Variants in BLM observed in about 807,000 individuals in gnomAD.
BLM encodes the protein recQ-like DNA helicase BLM.
In BLM, 95 loss-of-function variants were observed where a neutral mutation model predicts 135.3. The ratio of observed to expected loss-of-function variants is 0.70; its 90% CI spans 0.59 to 0.83. BLM has a LOEUF of 0.83. Ranked by LOEUF, BLM falls within the 40% of genes least tolerant of loss-of-function variation. BLM has a pLI of 0.00. For synonymous variants in BLM, 520 were observed against 589.2 expected (o/e 0.88, Z 1.70); for missense variants, 1,518 against 1,663.9 (o/e 0.91, Z 1.53).
chr15:90,736,894 G>T (rs559751402), intron 1 of BLM, among the ~76,000 whole-genome samples: 2 of 152,176 alleles, frequency 1.3e-5, no homozygotes, highest in Non-Finnish European at 2.9e-5. Context: ...ATAACCCACA[G>T]GAAGTAGATG....
chr15:90,777,636 A>G (rs1407059823), intron 12 of BLM, among the ~76,000 whole-genome samples: 1 of 152,236 alleles, frequency 6.6e-6, no homozygotes, highest in Non-Finnish European at 1.5e-5. Context: ...GCAGAACCTT[A>G]GACAAGAAAC....
intron 12 of BLM, among the ~76,000 whole-genome samples, chr15:90,779,507 T>A (rs183671018): frequency 6.6e-6 from 1 of 152,312 alleles, no homozygotes; most frequent in African/African-American, 2.4e-5. Flanking sequence ...TCTTCATCAT[T>A]TGTATTCCTA....
chr15:90,808,876 C>A (rs1358264572), intron 19 of BLM: 2 of 536,388 alleles, frequency 3.7e-6, no homozygotes, highest in Admixed American at 6.3e-5. Flanking sequence ...AGGTCCCACC[C>A]TCAGCTTCCT....
At chr15:90,788,889 C>T (rs1006065239) in intron 14 of BLM, among the ~76,000 whole-genome samples, 5 of 150,998 alleles carry the variant, frequency 3.3e-5, no homozygotes, top group Admixed American at 1.3e-4. Flanking sequence ...AGGAGAATAG[C>T]TTGAACCCTG....
chr15:90,773,095 CA>C (rs780966709), intron 12 of BLM, among the ~76,000 whole-genome samples: 166 of 43,468 alleles, frequency 3.8e-3, no homozygotes, highest in South Asian at 0.022. Context: ...GAGACTGTCT[CA>C]AAAAAAAAAA....
intron 19 of BLM, among the ~76,000 whole-genome samples, chr15:90,804,940 G>A (rs1331687960): frequency 6.6e-6 from 1 of 152,092 alleles, no homozygotes; most frequent in Non-Finnish European, 1.5e-5. Flanking sequence ...AGGTTCAAGC[G>A]ATTCTTCTGC....
At chr15:90,756,419 C>G (rs1172273428) in intron 5 of BLM, among the ~76,000 whole-genome samples, 1 of 152,196 alleles carries the variant, frequency 6.6e-6, no homozygotes, top group Admixed American at 6.5e-5. Context: ...AAGGTAGTTT[C>G]TGTTATCCCC....
At chr15:90,789,994 T>G (rs1013583691) in intron 14 of BLM, among the ~76,000 whole-genome samples, 24 of 56,096 alleles carry the variant, frequency 4.3e-4, no homozygotes, top group Non-Finnish European at 5.4e-4. Flanking sequence ...GGTGTTTTTT[T>G]TTTTTTTTTT....
rs753973474 is a variant in BLM, at chr15:90,765,313, T to TGTTA, written c.2093_2096dup (p.Tyr699Ter). The TGTTA allele has an allele frequency of 1.9e-6, 3 of 1,612,012 alleles. No homozygotes were observed. The highest frequency in any genetic ancestry group is 2.5e-6 in the Non-Finnish European group (3 of 1,178,064). On this transcript the variant is annotated stop_gained and frameshift_variant, in exon 9 of 22. Transcript: ENST00000355112. LOFTEE classifies it high-confidence loss of function. ...TCTTTCAGGAGGTGGTAAGAGTTTG[T>TGTTA]GTTACCAGCTCCCTGCCTGTGTTTC...
chr15:90,737,904 T>G (rs2151137933), intron 1 of BLM, among the ~76,000 whole-genome samples: 1 of 151,664 alleles, frequency 6.6e-6, no homozygotes, highest in African/African-American at 2.4e-5. Flanking sequence ...ATAAAAAAAT[T>G]GATAAAACTT....
intron 19 of BLM, among the ~76,000 whole-genome samples, chr15:90,807,817 T>C (rs1376396064): frequency 6.6e-6 from 1 of 152,238 alleles, no homozygotes; most frequent in East Asian, 1.9e-4. Flanking sequence ...AGACATGTCA[T>C]GGCAGTTAGA....
chr15:90,750,681 G>A (rs1267924404), intron 3 of BLM, among the ~76,000 whole-genome samples: 1 of 152,042 alleles, frequency 6.6e-6, no homozygotes, highest in African/African-American at 2.4e-5. Flanking sequence ...ACAAAGGAAG[G>A]GTGAGTAGAG....
At chr15:90,802,023 C>A (rs1897177250) in intron 17 of BLM, among the ~76,000 whole-genome samples, 1 of 152,090 alleles carries the variant, frequency 6.6e-6, no homozygotes, top group Non-Finnish European at 1.5e-5. Context: ...GCCACTGCAC[C>A]CCCAGCCTGG....
rs1895774818 is a variant in BLM, at chr15:90,754,836, G to A, written c.985G>A (p.Asp329Asn). The stretch of plus-strand genomic sequence containing the variant: ...TACGTTAAAGGACCTTGACACCTCT[G>A]ACAGAAAAGAGGATGTTCTTAGCAC... ...LSTLKDLDTS[D>N]RKEDVLSTSK... Residue 329 changes from aspartate to asparagine, a missense_variant, in exon 5 of 22, where the codon GAC becomes AAC. This residue lies in a region of BLM where 724 missense variants were observed against 756.9 expected (regional missense o/e 0.96). Transcript: ENST00000355112. 6.2e-7 allele frequency: 1 copy of A among 1,613,812 alleles called. No individual in the cohort carries two copies. Among genetic ancestry groups the A allele is most frequent in the Non-Finnish European group, 8.5e-7 (1 of 1,179,892 alleles).
At chr15:90,777,970 C>G (rs7164724) in intron 12 of BLM, among the ~76,000 whole-genome samples, 26,372 of 152,076 alleles carry the variant, frequency 0.17, 2,356 homozygotes, top group African/African-American at 0.19. Context: ...TGCAGTGTAT[C>G]AGTATTTTGC....
chr15:90,787,036 C>CT lies in BLM; in HGVS notation c.2823+1985dup, dbSNP rs11366266. On this transcript the variant is annotated intron_variant, in intron 14 of 21. Transcript: ENST00000355112. ...AAAGCTGAAAATACTTTAGGCATCT[C>CT]TTTTTTTTTTTTTTTTTTTTTTTTT... 8.5e-3 allele frequency among the ~76,000 whole-genome samples: 492 copies of CT among 57,998 alleles called. 90 individuals are homozygous for CT. Among genetic ancestry groups the CT allele is most frequent in the Middle Eastern group, 0.016 (1 of 62 alleles). The allele number at this position is 57,998 out of a possible 152,430, so 38.0% of individuals were successfully genotyped here. A position where few individuals can be genotyped will look rare whatever the true frequency, so the allele number is the denominator to read the frequency against.
chr15:90,769,278 C>T (rs758071122), intron 11 of BLM, 47 bp downstream of exon 11: 1 of 1,535,724 alleles, frequency 6.5e-7, no homozygotes, highest in Non-Finnish European at 9.0e-7. Context: ...ATACATACTA[C>T]CAACAATATA....
intron 1 of BLM, among the ~76,000 whole-genome samples, chr15:90,743,372 T>G (rs1895419301): frequency 6.6e-6 from 1 of 152,244 alleles, no homozygotes; most frequent in Non-Finnish European, 1.5e-5. Flanking sequence ...TTGTGATTCT[T>G]GTGGTCATTC....
chr15:90,790,947 T>C, intron 15 of BLM, 103 bp downstream of exon 15: 1 of 1,228,066 alleles, frequency 8.1e-7, no homozygotes, highest in Non-Finnish European at 1.2e-6. Context: ...CCTTAAATAA[T>C]CGTAGAAAAA....
Sources: allele counts gnomAD v4.1 joint callset (sites outside exome capture counted in the v4.1 genomes callset), GRCh38; gene constraint gnomAD v4.1.1; regional missense constraint gnomAD v4.1.1; transcripts MANE v1.5; gene names NCBI Gene and HGNC (gene_info 2026-07-23, HGNC 2026-07-21).